PTGER3: variants seen among roughly 807,000 people sequenced by gnomAD.
The protein encoded by PTGER3 is prostaglandin E2 receptor EP3 subtype.
PTGER3 carries 22 observed loss-of-function variants against 34.7 expected under a neutral mutation model. The ratio of observed to expected loss-of-function variants is 0.63; its 90% confidence interval spans 0.45 to 0.91. PTGER3 has a LOEUF of 0.91. Among genes scored for constraint, PTGER3 ranks in the 40% least tolerant of loss-of-function variants. PTGER3 has a pLI of 0.00. For synonymous variants in PTGER3, 241 were observed against 230.1 expected (o/e 1.05, Z -0.43); for missense variants, 468 against 519.4 (o/e 0.90, Z 0.96).
chr1:70,971,160 G>C lies in PTGER3; in HGVS notation c.*570C>G. 2 of 985,372 alleles carry C rather than the reference G, an allele frequency of 2.0e-6. No homozygotes were observed. Among genetic ancestry groups the C allele is most frequent in the South Asian group, 9.4e-5 (2 of 21,290 alleles). The allele number at this position is 985,372 out of a possible 1,614,324, so 61.0% of individuals were successfully genotyped here. ...TTAGGAACTTTTAGTTCCATGCTAAGCCCACAGGGACACAACATCTCTAAA... is the reference window on the plus strand; with the variant it reads ...TTAGGAACTTTTAGTTCCATGCTAACCCCACAGGGACACAACATCTCTAAA... On this transcript the variant is annotated 3_prime_UTR_variant, in exon 4 of 4. Coordinates refer to ENST00000306666, the MANE Select transcript of PTGER3 (RefSeq NM_198719.2).
At chr1:70,980,420 T>C (rs1461004723) in intron 2 of PTGER3, among the ~76,000 whole-genome samples, 1 of 152,092 alleles carries the variant, frequency 6.6e-6, no homozygotes, top group Non-Finnish European at 1.5e-5. Context: ...AGTTTCCTTC[T>C]TGGTGGAATG....
intron 4 of PTGER3, among the ~76,000 whole-genome samples, chr1:70,887,632 A>G (rs1646526159): frequency 6.6e-6 from 1 of 151,906 alleles, no homozygotes; most frequent in African/African-American, 2.4e-5. Flanking sequence ...TTATTTTTCA[A>G]CAAAGTCTCT....
At chr1:70,944,643 A>T (rs1259703267) in intron 4 of PTGER3, among the ~76,000 whole-genome samples, 1 of 152,140 alleles carries the variant, frequency 6.6e-6, no homozygotes, top group Non-Finnish European at 1.5e-5. Context: ...AAGTTTTATT[A>T]TGTATACCTA....
At chr1:70,912,936 G>C (rs1331716134) in intron 4 of PTGER3, among the ~76,000 whole-genome samples, 1 of 151,898 alleles carries the variant, frequency 6.6e-6, no homozygotes, top group Non-Finnish European at 1.5e-5. Flanking sequence ...AGTAGTATAA[G>C]TCCTTCAATT....
exon 5 of PTGER3, chr1:70,852,470 T>G (rs1305173152): frequency 4.7e-6 from 1 of 212,410 alleles, no homozygotes; most frequent in East Asian, 1.2e-4. Flanking sequence ...TTATTCAAAT[T>G]ATGGAATACT....
chr1:70,871,119 G>T (rs1572507076), intron 4 of PTGER3, among the ~76,000 whole-genome samples: 1 of 152,234 alleles, frequency 6.6e-6, no homozygotes, highest in Non-Finnish European at 1.5e-5. Context: ...AGGTTCAGTT[G>T]GTCCATGGTT....
chr1:70,982,178 ACTT>A (rs1277104372), intron 2 of PTGER3, among the ~76,000 whole-genome samples: 2 of 152,254 alleles, frequency 1.3e-5, no homozygotes, highest in East Asian at 1.9e-4. Flanking sequence ...CTGTACATCT[ACTT>A]CTGATACCAG....
At chr1:70,947,288 G>A (rs1468096776) in intron 4 of PTGER3, 1 of 152,124 alleles carries the variant, frequency 6.6e-6, no homozygotes, top group Non-Finnish European at 1.5e-5. Context: ...CCAGTGGGAG[G>A]TAAATGAATC....
At chr1:71,044,439 CA>C (rs533359070) in intron 1 of PTGER3, among the ~76,000 whole-genome samples, 1,292 of 109,160 alleles carry the variant, frequency 0.012, 25 homozygotes, top group African/African-American at 0.036. Flanking sequence ...GACAGAGTCT[CA>C]AAAAAAAAAA....
chr1:70,917,629 C>T (rs1264001080), intron 4 of PTGER3, among the ~76,000 whole-genome samples: 3 of 151,702 alleles, frequency 2.0e-5, no homozygotes, highest in Non-Finnish European at 4.4e-5. Context: ...TGAGGAACCC[C>T]CAAATTGTTT....
At chr1:71,039,649 C>CAAAAAAAAAAA (rs1183485427) in intron 1 of PTGER3, among the ~76,000 whole-genome samples, 2 of 54,420 alleles carry the variant, frequency 3.7e-5, no homozygotes, top group Admixed American at 2.0e-4. Flanking sequence ...GACTCTGTCT[C>CAAAAAAAAAAA]AAAAAAAAAA....
chr1:70,981,353 TTC>T (rs1359946305), intron 2 of PTGER3, among the ~76,000 whole-genome samples: 4 of 99,098 alleles, frequency 4.0e-5, no homozygotes, highest in East Asian at 3.5e-4. Flanking sequence ...CTTTCTTTCT[TTC>T]TTTCTTTCTT....
chr1:70,854,313 CAA>C (rs1283409704), intron 4 of PTGER3, among the ~76,000 whole-genome samples: 2 of 152,084 alleles, frequency 1.3e-5, no homozygotes, highest in Non-Finnish European at 2.9e-5. Flanking sequence ...GTAAAATCCT[CAA>C]AGTGGTATTT....
chr1:70,987,945 G>A (rs746196286), intron 2 of PTGER3, among the ~76,000 whole-genome samples: 1 of 152,110 alleles, frequency 6.6e-6, no homozygotes, highest in Admixed American at 6.5e-5. Context: ...ATGTTTTATT[G>A]TTAAACAGCT....
At chr1:71,034,050 T>C (rs543938090) in intron 1 of PTGER3, among the ~76,000 whole-genome samples, 2 of 152,206 alleles carry the variant, frequency 1.3e-5, no homozygotes, top group Admixed American at 1.3e-4. Flanking sequence ...AGTATTGTTA[T>C]GATGTGTCTG....
At chr1:70,862,529 G>T in intron 4 of PTGER3, 1 of 437,966 alleles carries the variant, frequency 2.3e-6, no homozygotes, top group Non-Finnish European at 4.3e-6. Flanking sequence ...ACAGGGGAGA[G>T]TCTCATGGCT....
chr1:71,006,070 T>C (rs1656930236), intron 2 of PTGER3: 1 of 735,622 alleles, frequency 1.4e-6, no homozygotes, highest in Non-Finnish European at 1.7e-6. Context: ...GCATTAACTG[T>C]AGTCATCCTA....
rs546386874 is a variant in PTGER3, at chr1:71,006,273, C to T, written c.1077+6032G>A. 32 of 985,426 alleles carry T rather than the reference C, an allele frequency of 3.2e-5. 1 individual carries two copies. In the South Asian group the frequency reaches 1.4e-3, roughly 42 times the overall value. The allele number at this position is 985,426 out of a possible 1,614,324, so 61.0% of individuals were successfully genotyped here. On this transcript the variant is annotated intron_variant, in intron 2 of 3. Coordinates refer to ENST00000306666, the MANE Select transcript of PTGER3 (RefSeq NM_198719.2). ...ACAGAATTCTCCTTGGATATCTTTT[C>T]TCACGAAGAAAGAGGGATACTTTTA...
intron 4 of PTGER3, among the ~76,000 whole-genome samples, chr1:70,891,739 T>G (rs1362453663): frequency 6.6e-6 from 1 of 152,176 alleles, no homozygotes; most frequent in Non-Finnish European, 1.5e-5. Flanking sequence ...CTAACAACAA[T>G]TATAAAAATA....
Sources: allele counts gnomAD v4.1 joint callset (sites outside exome capture counted in the v4.1 genomes callset), GRCh38; gene constraint gnomAD v4.1.1; transcripts MANE v1.5; gene names NCBI Gene and HGNC (gene_info 2026-07-23, HGNC 2026-07-21).